The following ST6GALNAC5 variants were observed in gnomAD, a reference collection of about 807,000 sequenced individuals.
The protein encoded by ST6GALNAC5 is ST6 N-acetylgalactosaminide alpha-2,6-sialyltransferase 5, also known as alpha-N-acetylgalactosaminide alpha-2,6-sialyltransferase 5.
ST6GALNAC5 carries 27 observed loss-of-function variants against 33.6 expected under a neutral mutation model. That is an observed-to-expected ratio of 0.80 (90% CI 0.59 to 1.11). The LOEUF (loss-of-function observed/expected upper bound fraction) is 1.11, where lower values mean the gene tolerates loss of function less well. Ranked by LOEUF, ST6GALNAC5 falls within the 50% of genes least tolerant of loss-of-function variation. The pLI is 0.00. For synonymous variants in ST6GALNAC5, 194 were observed against 171.2 expected (o/e 1.13, Z -1.04); for missense variants, 428 against 454.0 (o/e 0.94, Z 0.52).
intron 2 of ST6GALNAC5, chr1:76,995,513 A>T (rs2100401695): frequency 6.6e-6 from 1 of 152,236 alleles, no homozygotes; most frequent in South Asian, 2.1e-4. Flanking sequence ...TTGACGGACA[A>T]GTTACAGGTA....
intron 2 of ST6GALNAC5, among the ~76,000 whole-genome samples, chr1:76,963,508 A>G (rs990527426): frequency 1.8e-4 from 28 of 152,212 alleles, no homozygotes; most frequent in Admixed American, 9.8e-4. Context: ...TTCAGGACAG[A>G]CCTGAATTGA....
chr1:76,936,290 C>G (rs980096008), intron 2 of ST6GALNAC5, among the ~76,000 whole-genome samples: 1 of 151,958 alleles, frequency 6.6e-6, no homozygotes, highest in African/African-American at 2.4e-5. Flanking sequence ...AGGTATTATG[C>G]CTTTTTCATG....
intron 2 of ST6GALNAC5, among the ~76,000 whole-genome samples, chr1:76,879,061 A>G (rs1054115563): frequency 1.3e-5 from 2 of 152,192 alleles, no homozygotes; most frequent in Non-Finnish European, 1.5e-5. Context: ...AAGACCAATT[A>G]TAGGACTCTT....
intron 2 of ST6GALNAC5, among the ~76,000 whole-genome samples, chr1:76,936,603 G>C (rs1357764119): frequency 1.3e-5 from 2 of 152,068 alleles, no homozygotes; most frequent in Non-Finnish European, 2.9e-5. Context: ...ATTGAAATTT[G>C]AAGGAGAAGA....
chr1:76,989,666 C>A (rs1396021220), intron 2 of ST6GALNAC5, among the ~76,000 whole-genome samples: 1 of 152,122 alleles, frequency 6.6e-6, no homozygotes, highest in Non-Finnish European at 1.5e-5. Flanking sequence ...AGCATGCTTG[C>A]CCAGTGCAAA....
At chr1:77,062,719 G>T (rs141140276) in intron 4 of ST6GALNAC5, among the ~76,000 whole-genome samples, 1 of 152,176 alleles carries the variant, frequency 6.6e-6, no homozygotes, top group East Asian at 1.9e-4. Flanking sequence ...AATATGTAGG[G>T]TCTAAATCTG....
In ST6GALNAC5 at chr1:77,052,891, C is replaced by T. The variant is rs562002111; in HGVS notation, c.779+2526C>T. Among the ~76,000 whole-genome samples the T allele has an allele frequency of 1.1e-4, 15 of 139,658 alleles. 1 individual carries two copies. The highest frequency in any genetic ancestry group is 3.0e-4 in the Admixed American group (4 of 13,140). The allele number at this position is 139,658 out of a possible 152,430, so 91.6% of individuals were successfully genotyped here. On this transcript the variant is annotated intron_variant, in intron 4 of 4. Transcript: ENST00000477717. ...CGAGATCATTCCACTGCCCTCCAGCCGGGGCGACAAAGTGAGGCTCTGTCT... is the reference window on the plus strand; with the variant it reads ...CGAGATCATTCCACTGCCCTCCAGCTGGGGCGACAAAGTGAGGCTCTGTCT...
chr1:77,040,217 C>A (rs1013435265), intron 2 of ST6GALNAC5, among the ~76,000 whole-genome samples: 1 of 152,160 alleles, frequency 6.6e-6, no homozygotes, highest in Non-Finnish European at 1.5e-5. Flanking sequence ...GTGGGTCAGC[C>A]TTTAGTACAT....
Position 77,063,407 on chromosome 1 carries a change from T to C in ST6GALNAC5, c.*201T>C. On this transcript the variant is annotated 3_prime_UTR_variant, in exon 5 of 5. Transcript: ENST00000477717. ...AAATTCCGGAATTAATGCATCCTAA[T>C]GAATGTTGTCCCCTTCAATGGTGTT... is the stretch of plus-strand genomic sequence containing the variant. 1 of 584,198 alleles carries C rather than the reference T, an allele frequency of 1.7e-6. No individual in the cohort carries two copies. Among genetic ancestry groups the C allele is most frequent in the Non-Finnish European group, 3.1e-6 (1 of 326,904 alleles). The allele number at this position is 584,198 out of a possible 1,614,324, so 36.2% of individuals were successfully genotyped here. A position where few individuals can be genotyped will look rare whatever the true frequency, so the allele number is the denominator to read the frequency against.
At chr1:76,941,391 T>C (rs1182186901) in intron 2 of ST6GALNAC5, among the ~76,000 whole-genome samples, 2 of 152,044 alleles carry the variant, frequency 1.3e-5, no homozygotes, top group Non-Finnish European at 2.9e-5. Flanking sequence ...AGGTAATCCA[T>C]AGAGTTTTGC....
chr1:76,933,376 T>C lies in ST6GALNAC5; in HGVS notation c.261+64634T>C, dbSNP rs902289439. Among the ~76,000 whole-genome samples the C allele has an allele frequency of 5.3e-5, 8 of 152,026 alleles. No homozygotes were observed. In the South Asian group the frequency reaches 1.7e-3, roughly 32 times the overall value. ...GGACCCCTGCTTCAGGGAGCTAACA[T>C]TGTTGTATGCATGCAGAGGGGAAAA... is the stretch of plus-strand genomic sequence containing the variant. On this transcript the variant is annotated intron_variant, in intron 2 of 4. Coordinates refer to ENST00000477717, the MANE Select transcript of ST6GALNAC5 (RefSeq NM_030965.3).
At chr1:76,965,132 A>G (rs1648406999) in intron 2 of ST6GALNAC5, among the ~76,000 whole-genome samples, 1 of 152,098 alleles carries the variant, frequency 6.6e-6, no homozygotes, top group Non-Finnish European at 1.5e-5. Context: ...CAGTAATAGG[A>G]TGGCTGGGTC....
intron 2 of ST6GALNAC5, among the ~76,000 whole-genome samples, chr1:76,954,027 A>G (rs1647853223): frequency 6.6e-6 from 1 of 152,188 alleles, no homozygotes; most frequent in Non-Finnish European, 1.5e-5. Context: ...GAGCCAGCAC[A>G]GGGTGGCTCC....
chr1:76,879,589 G>T (rs1269392312), intron 2 of ST6GALNAC5, among the ~76,000 whole-genome samples: 1 of 152,208 alleles, frequency 6.6e-6, no homozygotes, highest in Non-Finnish European at 1.5e-5. Context: ...GAAGCAAACA[G>T]GGGTGTTGGG....
intron 2 of ST6GALNAC5, among the ~76,000 whole-genome samples, chr1:76,985,758 A>G (rs893410971): frequency 1.3e-5 from 2 of 152,204 alleles, no homozygotes; most frequent in African/African-American, 4.8e-5. Flanking sequence ...TTCAAACTAT[A>G]CTACAAGGCT....
In ST6GALNAC5 at chr1:77,017,042, G is replaced by A. The variant is rs1049549131; in HGVS notation, c.262-27162G>A. Among the ~76,000 whole-genome samples, 4 of 151,870 alleles carry A rather than the reference G, an allele frequency of 2.6e-5. No homozygotes were observed. The East Asian group carries it at 7.7e-4, about 29-fold the overall frequency. On this transcript the variant is annotated intron_variant, in intron 2 of 4. Coordinates refer to ENST00000477717, the MANE Select transcript of ST6GALNAC5 (RefSeq NM_030965.3). ...CAATCATTGAACCAAAAGAGAGGGG[G>A]CAGGGGAATGAGACTGGGCTTTCTC...
rs537830092 is a variant in ST6GALNAC5, at chr1:76,885,417, T to A, written c.261+16675T>A. On this transcript the variant is annotated intron_variant, in intron 2 of 4. Coordinates refer to ENST00000477717, the MANE Select transcript of ST6GALNAC5 (RefSeq NM_030965.3). The stretch of plus-strand genomic sequence containing the variant: ...ATAAAATGTAATTACTGTTGGTACA[T>A]GAATGTATTTTCATACAATCAACAC... Among the ~76,000 whole-genome samples the A allele has an allele frequency of 3.3e-5, 5 of 152,342 alleles. No homozygotes were observed. In the East Asian group the frequency reaches 7.7e-4, roughly 23 times the overall value.
At chr1:76,893,259 A>T (rs372781606) in intron 2 of ST6GALNAC5, among the ~76,000 whole-genome samples, 1 of 152,168 alleles carries the variant, frequency 6.6e-6, no homozygotes, top group Non-Finnish European at 1.5e-5. Context: ...GGGAGGAAGG[A>T]CAAATTTGGA....
At chr1:76,883,191 G>A (rs924408023) in intron 2 of ST6GALNAC5, among the ~76,000 whole-genome samples, 6 of 152,294 alleles carry the variant, frequency 3.9e-5, no homozygotes, top group African/African-American at 1.4e-4. Flanking sequence ...GGAAATAAAT[G>A]TTATAATTAC....
Sources: gnomAD v4.1 joint callset for allele counts (sites outside exome capture counted in the v4.1 genomes callset) on GRCh38, gnomAD v4.1.1 for gene constraint, MANE v1.5 for transcripts, NCBI Gene and HGNC (gene_info 2026-07-23, HGNC 2026-07-21) for gene names.